AGBL4: variants seen among roughly 807,000 people sequenced by gnomAD.
AGBL4 encodes the protein cytosolic carboxypeptidase 6.
In AGBL4, 58 loss-of-function variants were observed where a neutral mutation model predicts 66.4. The ratio of observed to expected loss-of-function variants is 0.87; its 90% confidence interval spans 0.71 to 1.09. AGBL4 has a LOEUF of 1.09. Ranked by LOEUF, AGBL4 falls within the 50% of genes least tolerant of loss-of-function variation. The pLI, the probability that AGBL4 is intolerant of heterozygous loss-of-function variation, is 0.00. For missense variants in AGBL4, 579 were observed against 631.0 expected, an observed-to-expected ratio of 0.92 and a Z score of 0.88; for synonymous variants, 234 against 222.9, an observed-to-expected ratio of 1.05 and a Z score of -0.44.
intron 6 of AGBL4, among the ~76,000 whole-genome samples, chr1:48,814,667 T>C (rs185661192): frequency 6.6e-6 from 1 of 152,184 alleles, no homozygotes; most frequent in Non-Finnish European, 1.5e-5. Context: ...GTATTTAACT[T>C]TCTGTTCCCG....
intron 5 of AGBL4, among the ~76,000 whole-genome samples, chr1:48,988,249 C>T (rs186128969): frequency 6.6e-6 from 1 of 152,178 alleles, no homozygotes. Context: ...TAAATGAATA[C>T]CTTCTCCACT....
chr1:49,246,504 A>G (rs1034766110), intron 3 of AGBL4, among the ~76,000 whole-genome samples: 1 of 151,876 alleles, frequency 6.6e-6, no homozygotes, highest in African/African-American at 2.4e-5. Flanking sequence ...TCGGGGTACT[A>G]GGCTCAACTA....
At chr1:48,861,160 AAAAGTG>A (rs1647432161) in intron 6 of AGBL4, among the ~76,000 whole-genome samples, 1 of 152,194 alleles carries the variant, frequency 6.6e-6, no homozygotes, top group Admixed American at 6.5e-5. Flanking sequence ...AGACATGGTC[AAAAGTG>A]AATTTATAAA....
At chr1:49,266,608 AAC>A (rs71307610) in intron 3 of AGBL4, among the ~76,000 whole-genome samples, 31 of 149,676 alleles carry the variant, frequency 2.1e-4, no homozygotes, top group Middle Eastern at 3.5e-3. Flanking sequence ...ATAAACCTGT[AAC>A]ACACACACAC....
chr1:49,396,858 C>T (rs566741263), intron 3 of AGBL4, among the ~76,000 whole-genome samples: 9 of 152,098 alleles, frequency 5.9e-5, no homozygotes, highest in South Asian at 2.1e-4. Context: ...AATGAGAAAA[C>T]GAGTAAATGC....
chr1:49,240,001 C>T (rs956133263), intron 4 of AGBL4, among the ~76,000 whole-genome samples: 1 of 151,654 alleles, frequency 6.6e-6, no homozygotes, highest in African/African-American at 2.4e-5. Context: ...CTTTGTTTTA[C>T]AAAATATTAA....
intron 5 of AGBL4, among the ~76,000 whole-genome samples, chr1:48,979,009 G>C (rs1659550220): frequency 6.6e-6 from 1 of 152,122 alleles, no homozygotes; most frequent in Non-Finnish European, 1.5e-5. Context: ...GGAGACCTTT[G>C]TGTAAGGTCT....
In AGBL4 at chr1:48,959,695, G is replaced by A. The variant is rs78239237; in HGVS notation, c.594+85889C>T. 3.1e-3 allele frequency among the ~76,000 whole-genome samples: 479 copies of A among 152,334 alleles called. 4 individuals are homozygous for A. Among genetic ancestry groups the A allele is most frequent in the African/African-American group, 0.011 (463 of 41,574 alleles). ...GACATGAAGAGAAGAGGTGAGCCAT[G>A]AGAATATCTAGAAAGAATATTCTGG... On this transcript the variant is annotated intron_variant, in intron 5 of 13. Transcript: ENST00000371839.
At chr1:49,589,461 A>T (rs988979650) in intron 3 of AGBL4, among the ~76,000 whole-genome samples, 3 of 152,238 alleles carry the variant, frequency 2.0e-5, no homozygotes, top group Non-Finnish European at 2.9e-5. Flanking sequence ...TAATTGATAA[A>T]ACCCTAAATC....
At chr1:49,757,922 A>G (rs909002965) in intron 2 of AGBL4, among the ~76,000 whole-genome samples, 1 of 152,198 alleles carries the variant, frequency 6.6e-6, no homozygotes, top group Admixed American at 6.5e-5. Context: ...TGATAAGACT[A>G]TGGGGAAAAC....
intron 5 of AGBL4, among the ~76,000 whole-genome samples, chr1:48,974,621 A>G (rs1270156016): frequency 1.3e-5 from 2 of 152,192 alleles, no homozygotes; most frequent in Non-Finnish European, 2.9e-5. Context: ...AATTGAGTCT[A>G]TAGACATTCT....
At chr1:49,641,673 T>C (rs1349021443) in intron 3 of AGBL4, among the ~76,000 whole-genome samples, 1 of 152,078 alleles carries the variant, frequency 6.6e-6, no homozygotes, top group Non-Finnish European at 1.5e-5. Flanking sequence ...TTTCCTATTT[T>C]ATAATTTATT....
At chr1:48,761,480 A>C in intron 6 of AGBL4, 2 of 1,549,090 alleles carry the variant, frequency 1.3e-6, no homozygotes, top group Non-Finnish European at 1.7e-6. Context: ...TCTAAAATGC[A>C]TATCAAGAGA....
Position 49,948,442 on chromosome 1 carries a change from T to G in AGBL4, c.34+75321A>C, listed in dbSNP as rs190150503. On this transcript the variant is annotated intron_variant, in intron 1 of 13. Coordinates refer to ENST00000371839, the MANE Select transcript of AGBL4 (RefSeq NM_032785.4). The stretch of plus-strand genomic sequence containing the variant: ...AAATATAGATAAATATATAAATATA[T>G]ATAAATATATAAATATAGATAAATA... 5.3e-5 allele frequency among the ~76,000 whole-genome samples: 6 copies of G among 113,686 alleles called. No individual in the cohort carries two copies. In the South Asian group the frequency reaches 1.3e-3, roughly 25 times the overall value. 74.6% of individuals were successfully genotyped at this position (113,686 alleles called of 152,430 possible).
At chr1:49,318,202 T>C (rs1645072691) in intron 3 of AGBL4, among the ~76,000 whole-genome samples, 1 of 151,996 alleles carries the variant, frequency 6.6e-6, no homozygotes. Context: ...AGCTATGTAA[T>C]CTTGGGTAAG....
chr1:49,639,764 T>C (rs1645745473), intron 3 of AGBL4, among the ~76,000 whole-genome samples: 1 of 152,212 alleles, frequency 6.6e-6, no homozygotes, highest in Non-Finnish European at 1.5e-5. Context: ...ACAGAGGAAC[T>C]GGCCAAATAC....
intron 4 of AGBL4, among the ~76,000 whole-genome samples, chr1:49,195,399 C>T (rs1173527599): frequency 6.6e-6 from 1 of 152,018 alleles, no homozygotes; most frequent in African/African-American, 2.4e-5. Flanking sequence ...TTTATTCCTC[C>T]CTCATTTATG....
chr1:48,992,756 G>A (rs930191954), intron 5 of AGBL4, among the ~76,000 whole-genome samples: 2 of 151,974 alleles, frequency 1.3e-5, no homozygotes, highest in Non-Finnish European at 2.9e-5. Flanking sequence ...TCTCCCTGTG[G>A]CTACCACCAC....
intron 3 of AGBL4, among the ~76,000 whole-genome samples, chr1:49,397,512 A>T (rs1437234179): frequency 6.6e-6 from 1 of 152,188 alleles, no homozygotes; most frequent in African/African-American, 2.4e-5. Flanking sequence ...TTTCTCTAAT[A>T]ACAACTCACA....
Sources: gnomAD v4.1 joint callset for allele counts (sites outside exome capture counted in the v4.1 genomes callset) on GRCh38, gnomAD v4.1.1 for gene constraint, MANE v1.5 for transcripts, NCBI Gene and HGNC (gene_info 2026-07-23, HGNC 2026-07-21) for gene names.